DNAH10: variants seen among roughly 807,000 people sequenced by gnomAD.
DNAH10 encodes axonemal beta dynein heavy chain 10.
A neutral mutation model predicts 506.6 loss-of-function variants in DNAH10; 348 were observed. That is an observed-to-expected ratio of 0.69 (90% confidence interval 0.63 to 0.75). The LOEUF (loss-of-function observed/expected upper bound fraction) is 0.75. DNAH10 is among the 30% of genes least tolerant of loss of function. The probability of loss-of-function intolerance (pLI) is 0.00; values close to 1 mark genes in which losing one functional copy is unlikely to be tolerated. For missense variants in DNAH10, 5,179 were observed against 5,787.1 expected (o/e 0.89, Z 3.41); for synonymous variants, 2,059 against 2,198.6 (o/e 0.94, Z 1.78).
chr12:123,849,732 G>A (rs779580321), intron 34 of DNAH10, among the ~76,000 whole-genome samples: 4 of 152,168 alleles, frequency 2.6e-5, no homozygotes, highest in Non-Finnish European at 5.9e-5. Flanking sequence ...ATCCTTTAGA[G>A]CCCCATTCCA....
intron 28 of DNAH10, among the ~76,000 whole-genome samples, chr12:123,836,843 ACT>A (rs2136561123): frequency 6.7e-6 from 1 of 148,980 alleles, no homozygotes; most frequent in South Asian, 2.1e-4. Flanking sequence ...ATATGATGAA[ACT>A]CTGTCTCTCT....
chr12:123,916,541 G>C lies in DNAH10; in HGVS notation c.10807G>C (p.Asp3603His). ...GACCCCTTTCCTGTTCCGCGATGTT[G>C]ATGAATACATCGATCCTGTGATTGA... The part of the protein sequence containing the change: ...YGTPFLFRDV[D>H]EYIDPVIDNV... The change falls in exon 63 of 79, where the codon GAT becomes CAT. Residue 3603 changes from aspartate (D) to histidine (H), a missense_variant. By Grantham distance (81) the Asp-to-His change is moderately conservative. Around this residue, in one of 3 missense-constraint regions of DNAH10, gnomAD observed 4,844 missense variants for 5,430.5 expected, o/e 0.89. Transcript: ENST00000673944. This position sits in a 1 kb window ranked among gnomAD's most constrained non-coding sequence, Gnocchi z 4.6. 3 of 1,613,886 alleles carry C rather than the reference G, an allele frequency of 1.9e-6. No homozygotes were observed. The highest frequency in any genetic ancestry group is 2.5e-6 in the Non-Finnish European group (3 of 1,179,884).
At chr12:123,908,799 G>A (rs576616115) in intron 57 of DNAH10, among the ~76,000 whole-genome samples, 3 of 152,288 alleles carry the variant, frequency 2.0e-5, no homozygotes, top group Non-Finnish European at 2.9e-5. Context: ...AGCCAGTCAT[G>A]CAAGCTCCCA....
At chr12:123,891,898 C>G (rs1484391528) in intron 52 of DNAH10, among the ~76,000 whole-genome samples, 1 of 152,200 alleles carries the variant, frequency 6.6e-6, no homozygotes, top group Non-Finnish European at 1.5e-5. Context: ...TCAGAGTCCT[C>G]TCTCCGGGGA....
intron 50 of DNAH10, among the ~76,000 whole-genome samples, chr12:123,880,849 G>A (rs1243168049): frequency 1.2e-4 from 15 of 129,318 alleles, no homozygotes. Flanking sequence ...CCCTTCCTGT[G>A]TCCATGTGTT....
chr12:123,819,262 C>T lies in DNAH10; in HGVS notation c.4000+12C>T. The T allele has an allele frequency of 6.2e-7, 1 of 1,600,218 alleles. No individual in the cohort carries two copies. Among genetic ancestry groups the T allele is most frequent in the Non-Finnish European group, 8.5e-7 (1 of 1,170,322 alleles). ...TGATCTTGATAAAGGTAAGAATGTT[C>T]CTGTTGGTCTTACTGAGCGATCTGA... On this transcript the variant is annotated intron_variant, in intron 23 of 78. Transcript: ENST00000673944.
intron 47 of DNAH10, among the ~76,000 whole-genome samples, chr12:123,877,473 A>G (rs80046411): frequency 0.034 from 5,096 of 152,008 alleles, 249 homozygotes; most frequent in African/African-American, 0.11. Flanking sequence ...CACCATGCCC[A>G]GCTAATGTTT....
intron 52 of DNAH10, among the ~76,000 whole-genome samples, chr12:123,890,067 T>C (rs1407830492): frequency 6.6e-6 from 1 of 152,198 alleles, no homozygotes; most frequent in Non-Finnish European, 1.5e-5. Context: ...AGAGTCCTTT[T>C]TGCAGGAAAC....
chr12:123,770,466 C>T (rs77630504), intron 2 of DNAH10, among the ~76,000 whole-genome samples: 119 of 146,548 alleles, frequency 8.1e-4, no homozygotes, highest in Non-Finnish European at 1.1e-3. Context: ...ATTTATGGCA[C>T]GGCACCTGCT....
chr12:123,886,472 C>CGT (rs1203747835), intron 51 of DNAH10, among the ~76,000 whole-genome samples: 14 of 132,550 alleles, frequency 1.1e-4, no homozygotes, highest in Non-Finnish European at 2.0e-4. Context: ...TTGCGTTGCG[C>CGT]GCGCGCGCGT....
Position 123,875,409 on chromosome 12 carries a change from T to TTC in DNAH10, c.8117_8118insTC (p.Phe2707HisfsTer17). On this transcript the variant is annotated frameshift_variant, in exon 47 of 79. Transcript: ENST00000673944. LOFTEE classifies it high-confidence loss of function. ...GAAGTTGACCCAAGATTTATTTCGC[T>TTC]ATTCAGTGTCTTCAATGTGCCATTT... 1.2e-6 allele frequency: 2 copies of TTC among 1,614,048 alleles called. No homozygotes were observed. Among genetic ancestry groups the TTC allele is most frequent in the Non-Finnish European group, 1.7e-6 (2 of 1,179,910 alleles).
At position 123,875,436 on chromosome 12, in the gene DNAH10, C is replaced by T. The variant is rs1253449131; in HGVS notation, c.8144C>T (p.Pro2715Leu). ...TTCAGTGTCTTCAATGTGCCATTTC[C>T]TTCAGAGGAGTCTCTGCATTTAATT... is the stretch of plus-strand genomic sequence containing the variant. ...SLFSVFNVPF[P>L]SEESLHLIYS... is the part of the protein sequence containing the mutation. The change falls in exon 47 of 79, where the codon CCT (proline) becomes CTT (leucine). Residue 2715 changes from proline (P) to leucine (L), a missense_variant. Around this residue, in one of 3 missense-constraint regions of DNAH10, gnomAD observed 4,844 missense variants for 5,430.5 expected, o/e 0.89. Transcript: ENST00000673944. The T allele has an allele frequency of 1.2e-6, 2 of 1,614,018 alleles. No individual in the cohort carries two copies. Among genetic ancestry groups the T allele is most frequent in the Non-Finnish European group, 8.5e-7 (1 of 1,179,898 alleles).
intron 65 of DNAH10, among the ~76,000 whole-genome samples, chr12:123,920,736 T>G (rs1303866417): frequency 6.6e-6 from 1 of 152,220 alleles, no homozygotes; most frequent in East Asian, 1.9e-4. Context: ...TGTCACTTAA[T>G]TTCTCTCTTT....
At position 123,928,861 on chromosome 12, in the gene DNAH10, C is replaced by G. The variant is rs545504030; in HGVS notation, c.12306+274C>G. 18 of 465,844 alleles carry G rather than the reference C, an allele frequency of 3.9e-5. No individual in the cohort carries two copies. Among genetic ancestry groups the G allele is most frequent in the African/African-American group, 1.7e-4 (6 of 35,548 alleles). The allele number at this position is 465,844 out of a possible 1,614,324, so 28.9% of individuals were successfully genotyped here. A position where few individuals can be genotyped will look rare whatever the true frequency, so the allele number is the denominator to read the frequency against. ...TACTTTTCATAAACTTCACGGCCCC[C>G]CCCCCCACACACAGCCTGCAGTTCG... is the stretch of plus-strand genomic sequence containing the variant. On this transcript the variant is annotated intron_variant, in intron 70 of 78. Transcript: ENST00000673944. The surrounding 1 kb of genome is among the most constrained non-coding windows in gnomAD (Gnocchi z 4.9).
chr12:123,816,730 C>T lies in DNAH10; in HGVS notation c.3781-2220C>T, dbSNP rs574654457. On this transcript the variant is annotated intron_variant, in intron 21 of 78. Transcript: ENST00000673944. ...ACAGAAGTCTGTGTACCCTGGGCAC[C>T]TAATACTTGCAACTGGCATCTGAAG... Among the ~76,000 whole-genome samples the T allele has an allele frequency of 6.9e-4, 105 of 152,328 alleles. 1 individual carries two copies. Among genetic ancestry groups the T allele is most frequent in the Middle Eastern group, 6.8e-3 (2 of 294 alleles).
At position 123,928,581 on chromosome 12, in the gene DNAH10, C is replaced by T. The variant is rs767648098; in HGVS notation, c.12300C>T (p.Ser4100=). The T allele has an allele frequency of 1.9e-6, 3 of 1,598,578 alleles. No individual in the cohort carries two copies. The highest frequency in any genetic ancestry group is 2.6e-6 in the Non-Finnish European group (3 of 1,172,686). Residue 4100 remains serine, a synonymous_variant, in exon 70 of 79, where the codon TCC becomes TCT. Coordinates refer to ENST00000673944, the MANE Select transcript of DNAH10 (RefSeq NM_001372106.1). This position sits in a 1 kb window ranked among gnomAD's most constrained non-coding sequence, Gnocchi z 4.9. ...TCCCCATTGGGATTCTGCAGAAGTCCCTAAAGGTCTGGCTTCAGGATGGAC... is the reference window on the plus strand; with the variant it reads ...TCCCCATTGGGATTCTGCAGAAGTCTCTAAAGGTCTGGCTTCAGGATGGAC... The part of the protein sequence containing the change: ...KGFPIGILQK[S]LKVVTEPPNG...
At chr12:123,780,804 C>T (rs529245269) in intron 5 of DNAH10, among the ~76,000 whole-genome samples, 2 of 151,748 alleles carry the variant, frequency 1.3e-5, no homozygotes, top group Admixed American at 6.6e-5. Context: ...CAAAAATTAG[C>T]TGGGTGTGCT....
In DNAH10 at chr12:123,902,172, A is replaced by G. The variant is rs866724487; in HGVS notation, c.9641-767A>G. ...GCCCCTCTTCCCTGTGTGTCTGCAC[A>G]TGGCCTTCTGATAGGGACCCCAGGC... On this transcript the variant is annotated intron_variant, in intron 56 of 78. Transcript: ENST00000673944. The surrounding 1 kb of genome is among the most constrained non-coding windows in gnomAD (Gnocchi z 4.5). Among the ~76,000 whole-genome samples, 7 of 152,294 alleles carry G rather than the reference A, an allele frequency of 4.6e-5. No homozygotes were observed. The highest frequency in any genetic ancestry group is 8.8e-5 in the Non-Finnish European group (6 of 68,016).
chr12:123,832,633 G>A (rs907785540), intron 26 of DNAH10, among the ~76,000 whole-genome samples: 2 of 151,912 alleles, frequency 1.3e-5, no homozygotes, highest in Admixed American at 6.6e-5. Flanking sequence ...ATGAGCCACC[G>A]CACCCGGCCT....
Sources: gnomAD v4.1 joint callset for allele counts (sites outside exome capture counted in the v4.1 genomes callset) on GRCh38, gnomAD v4.1.1 for gene constraint, gnomAD v4.1.1 regional missense constraint, Gnocchi (gnomAD v3.1) non-coding constraint, MANE v1.5 for transcripts, NCBI Gene and HGNC (gene_info 2026-07-23, HGNC 2026-07-21) for gene names.